Variants in BLZF1 observed in about 807,000 individuals in gnomAD.
BLZF1 encodes golgin-45.
BLZF1 carries 39 observed loss-of-function variants against 43.8 expected under a neutral mutation model. The ratio of observed to expected loss-of-function variants is 0.89; its 90% CI spans 0.69 to 1.16. The LOEUF (loss-of-function observed/expected upper bound fraction) is 1.16, where lower values mean the gene tolerates loss of function less well. Among genes scored for constraint, BLZF1 ranks in the 50% most tolerant of loss-of-function variants. BLZF1 has a pLI of 0.00. For missense variants in BLZF1, 449 were observed against 469.8 expected (o/e 0.96, Z 0.41); for synonymous variants, 136 against 159.4 (o/e 0.85, Z 1.11).
intron 5 of BLZF1, among the ~76,000 whole-genome samples, 160 bp from the exon 6 acceptor site, chr1:169,381,898 AACTT>A (rs1357386090): frequency 6.6e-6 from 1 of 152,212 alleles, no homozygotes; most frequent in African/African-American, 2.4e-5. Flanking sequence ...TCTGTAGTCT[AACTT>A]ACTTGACTAA....
chr1:169,374,670 C>T (rs1269276092), intron 2 of BLZF1, among the ~76,000 whole-genome samples: 1 of 152,074 alleles, frequency 6.6e-6, no homozygotes, highest in Non-Finnish European at 1.5e-5. Flanking sequence ...AAAAGTAAAT[C>T]TGTTACTTGA....
chr1:169,387,201 C>A lies in BLZF1; in HGVS notation c.*19C>A. 6.2e-7 allele frequency: 1 copy of A among 1,603,726 alleles called. No homozygotes were observed. Among genetic ancestry groups the A allele is most frequent in the Middle Eastern group, 1.7e-4 (1 of 6,028 alleles). On this transcript the variant is annotated 3_prime_UTR_variant, in exon 7 of 7. Coordinates refer to ENST00000367808, the MANE Select transcript of BLZF1 (RefSeq NM_001320973.2). ...CCTTTAACAGTCAATATGTTGGAGG[C>A]ATGCTAAGGTACTTCCTTATTACCC...
At chr1:169,382,005 T>C (rs1654540093) in intron 5 of BLZF1, 57 bp from the exon 6 acceptor site, 1 of 1,283,672 alleles carries the variant, frequency 7.8e-7, no homozygotes, top group South Asian at 1.3e-5. Flanking sequence ...TTTACTATTA[T>C]TAATTTTTAC....
intron 2 of BLZF1, among the ~76,000 whole-genome samples, chr1:169,374,455 T>C: frequency 6.6e-6 from 1 of 152,140 alleles, no homozygotes; most frequent in Admixed American, 6.6e-5. Context: ...CCTTTGTTTA[T>C]CTTTTTAAAA....
intron 4 of BLZF1, 122 bp downstream of exon 4, chr1:169,378,651 A>T: frequency 2.4e-6 from 2 of 838,552 alleles, no homozygotes; most frequent in South Asian, 3.5e-5. Context: ...AGAGTACTTC[A>T]TTTAAGATGT....
At chr1:169,380,375 A>G in intron 4 of BLZF1, 106 bp from the exon 5 acceptor site, 1 of 1,030,368 alleles carries the variant, frequency 9.7e-7, no homozygotes, top group South Asian at 2.1e-5. Flanking sequence ...CTATACTGTT[A>G]AATCTTTGTT....
intron 7 of BLZF1, chr1:169,395,823 G>T (rs1571452929): frequency 6.7e-6 from 1 of 149,064 alleles, no homozygotes; most frequent in Non-Finnish European, 1.5e-5. Context: ...TGTGTATGTG[G>T]TATGTTTGTG....
At position 169,376,800 on chromosome 1, in the gene BLZF1, A is replaced by G. The variant is rs1339750633; in HGVS notation, c.289A>G (p.Thr97Ala). 6.2e-7 allele frequency: 1 copy of G among 1,613,440 alleles called. No individual in the cohort carries two copies. The highest frequency in any genetic ancestry group is 8.5e-7 in the Non-Finnish European group (1 of 1,179,586). Residue 97 changes from threonine (T) to alanine (A), a missense_variant, in exon 3 of 7, where the codon ACA (threonine) becomes GCA (alanine). Thr to Ala is a moderately conservative substitution (Grantham distance 58). Transcript: ENST00000367808. ...AITHDIPNKN[T>A]KVKSLGHHKG... ...AACTCATGATATCCCCAACAAAAAT[A>G]CAAAGGTTAAGTCTCTGGGACATCA...
intron 6 of BLZF1, 29 bp downstream of exon 6, chr1:169,382,310 A>G (rs1654550766): frequency 6.3e-7 from 1 of 1,575,768 alleles, no homozygotes; most frequent in African/African-American, 1.4e-5. Flanking sequence ...TGATCTATGG[A>G]ACTTCTAACA....
intron 6 of BLZF1, among the ~76,000 whole-genome samples, chr1:169,384,412 C>T (rs933729589): frequency 6.6e-6 from 1 of 152,124 alleles, no homozygotes; most frequent in Admixed American, 6.5e-5. Flanking sequence ...TCCTGCCCAC[C>T]CACTACTGGC....
intron 2 of BLZF1, among the ~76,000 whole-genome samples, chr1:169,372,076 C>T (rs1301068865): frequency 5.3e-5 from 8 of 152,134 alleles, no homozygotes; most frequent in African/African-American, 1.9e-4. Context: ...GATCTCTATC[C>T]ATAGAGCCTG....
At chr1:169,377,381 T>C (rs1222996207) in intron 3 of BLZF1, 2 of 173,158 alleles carry the variant, frequency 1.2e-5, no homozygotes, top group African/African-American at 4.7e-5. Flanking sequence ...AATGGCGATA[T>C]AACTTACTGT....
chr1:169,378,517 T>A lies in BLZF1; in HGVS notation c.656T>A (p.Phe219Tyr). 6.2e-7 allele frequency: 1 copy of A among 1,612,116 alleles called. No homozygotes were observed. The highest frequency in any genetic ancestry group is 8.5e-7 in the Non-Finnish European group (1 of 1,178,590). Residue 219 changes from phenylalanine to tyrosine, a missense_variant, in exon 4 of 7, where the codon TTC becomes TAC. Transcript: ENST00000367808. ...CAGTGTGATGTATGGCGAAGTAAAT[T>A]CCTTGCAAGCAGGTATTTTCTACAG... is the stretch of plus-strand genomic sequence containing the variant. ...SIQCDVWRSK[F>Y]LASRVMADEL... is the part of the protein sequence containing the mutation.
At chr1:169,375,449 A>G (rs1654287302) in intron 2 of BLZF1, among the ~76,000 whole-genome samples, 1 of 135,112 alleles carries the variant, frequency 7.4e-6, no homozygotes, top group African/African-American at 2.8e-5. Flanking sequence ...CTGGACAGTG[A>G]TGAATTCACT....
At chr1:169,395,142 G>C (rs143480947) in intron 7 of BLZF1, 18 of 1,613,612 alleles carry the variant, frequency 1.1e-5, no homozygotes, top group Non-Finnish European at 1.5e-5. Context: ...AGTCGGAGCT[G>C]TCTAGTTCTC....
intron 2 of BLZF1, among the ~76,000 whole-genome samples, chr1:169,375,359 AAC>A (rs1360074883): frequency 8.6e-5 from 12 of 138,762 alleles, no homozygotes; most frequent in Admixed American, 6.6e-4. Flanking sequence ...ATATATAAAA[AAC>A]ATATATACAT....
chr1:169,373,517 T>C (rs943259167), intron 2 of BLZF1, among the ~76,000 whole-genome samples: 4 of 152,212 alleles, frequency 2.6e-5, no homozygotes, highest in Admixed American at 6.5e-5. Flanking sequence ...TGAGAAAATG[T>C]TAAGCCCTGG....
chr1:169,372,449 C>A (rs1654154389), intron 2 of BLZF1, among the ~76,000 whole-genome samples: 1 of 152,118 alleles, frequency 6.6e-6, no homozygotes, highest in African/African-American at 2.4e-5. Flanking sequence ...AGCATTTATT[C>A]ATTTTCTCTG....
At chr1:169,369,610 GT>G in intron 2 of BLZF1, 60 bp downstream of exon 2, 1 of 1,320,388 alleles carries the variant, frequency 7.6e-7, no homozygotes, top group South Asian at 1.2e-5. Context: ...GTGAAGGAAC[GT>G]TTGAGCCAGA....
Sources: allele counts gnomAD v4.1 joint callset (sites outside exome capture counted in the v4.1 genomes callset), GRCh38; gene constraint gnomAD v4.1.1; transcripts MANE v1.5; gene names NCBI Gene and HGNC (gene_info 2026-07-23, HGNC 2026-07-21).